CTNND2: variants seen among roughly 807,000 people sequenced by gnomAD.
CTNND2 encodes catenin delta-2.
A neutral mutation model predicts 144.4 loss-of-function variants in CTNND2; 22 were observed. The observed-to-expected ratio is 0.15, with a 90% CI of 0.11 to 0.22. The LOEUF (loss-of-function observed/expected upper bound fraction) is 0.22. CTNND2 is among the 10% of genes least tolerant of loss of function. CTNND2 has a pLI of 1.00. For missense variants in CTNND2, 1,353 were observed against 1,618.8 expected, an observed-to-expected ratio of 0.84 and a Z score of 2.82; for synonymous variants, 751 against 695.6, an observed-to-expected ratio of 1.08 and a Z score of -1.25.
intron 3 of CTNND2, among the ~76,000 whole-genome samples, chr5:11,553,399 A>G (rs557980026): frequency 6.6e-6 from 1 of 152,334 alleles, no homozygotes; most frequent in South Asian, 2.1e-4. Flanking sequence ...TCTGTAGAAA[A>G]ATTAGAAAAG....
intron 12 of CTNND2, among the ~76,000 whole-genome samples, chr5:11,136,809 A>T (rs1230927412): frequency 1.3e-5 from 2 of 152,256 alleles, no homozygotes; most frequent in Non-Finnish European, 2.9e-5. Flanking sequence ...GTCCAGGGTC[A>T]TTTCACTGAG....
At chr5:11,024,018 A>C (rs967660806) in intron 16 of CTNND2, among the ~76,000 whole-genome samples, 1 of 152,198 alleles carries the variant, frequency 6.6e-6, no homozygotes, top group African/African-American at 2.4e-5. Flanking sequence ...TCCCCCAATT[A>C]GGCACATTTA....
chr5:11,061,051 T>C (rs1283463948), intron 16 of CTNND2, among the ~76,000 whole-genome samples: 1 of 152,198 alleles, frequency 6.6e-6, no homozygotes, highest in East Asian at 1.9e-4. Context: ...ACGTGGCATG[T>C]CCCCTTTCAT....
intron 16 of CTNND2, among the ~76,000 whole-genome samples, chr5:11,066,554 C>T (rs1342346922): frequency 6.7e-6 from 1 of 148,634 alleles, no homozygotes; most frequent in Non-Finnish European, 1.5e-5. Flanking sequence ...ATTGATGTCT[C>T]ATGCCTCTCT....
chr5:11,141,665 A>G (rs1756739353), intron 12 of CTNND2, among the ~76,000 whole-genome samples: 3 of 152,192 alleles, frequency 2.0e-5, no homozygotes, highest in Non-Finnish European at 1.5e-5. Context: ...AAACAGATGG[A>G]TGCCTTAGGC....
At chr5:11,321,348 G>T (rs184132853) in intron 9 of CTNND2, among the ~76,000 whole-genome samples, 1 of 152,262 alleles carries the variant, frequency 6.6e-6, no homozygotes, top group East Asian at 1.9e-4. Flanking sequence ...CACCATGCAT[G>T]CTGGGCCCTG....
chr5:10,997,484 C>T (rs757535798), intron 18 of CTNND2, among the ~76,000 whole-genome samples: 18 of 151,524 alleles, frequency 1.2e-4, no homozygotes, highest in Admixed American at 3.3e-4. Flanking sequence ...CCTAGCTACT[C>T]GGGAGGCTGA....
At chr5:11,314,424 C>T (rs537170789) in intron 9 of CTNND2, among the ~76,000 whole-genome samples, 1 of 152,308 alleles carries the variant, frequency 6.6e-6, no homozygotes, top group African/African-American at 2.4e-5. Context: ...GATCAGAGCT[C>T]ACTGCAGCCT....
At chr5:11,014,676 G>C (rs2149528401) in intron 18 of CTNND2, among the ~76,000 whole-genome samples, 1 of 152,308 alleles carries the variant, frequency 6.6e-6, no homozygotes, top group African/African-American at 2.4e-5. Context: ...CCAGCTGGAA[G>C]AATATTCTGA....
At chr5:11,084,845 C>T (rs887059396) in intron 15 of CTNND2, among the ~76,000 whole-genome samples, 1 of 152,150 alleles carries the variant, frequency 6.6e-6, no homozygotes, top group African/African-American at 2.4e-5. Context: ...ACAGGAGACA[C>T]CTGTGCCCTT....
At position 11,343,943 on chromosome 5, in the gene CTNND2, C is replaced by T. The variant is rs371711704; in HGVS notation, c.1628+2429G>A. Among the ~76,000 whole-genome samples the T allele has an allele frequency of 5.9e-5, 9 of 152,156 alleles. No individual in the cohort carries two copies. The East Asian group carries it at 7.7e-4, about 13-fold the overall frequency. On this transcript the variant is annotated intron_variant, in intron 9 of 21. Transcript: ENST00000304623. ...AAAAGATTTAAATAATAAGCCATAA[C>T]GCCAAAATAAATAAGTGTGAGCCCT...
intron 2 of CTNND2, among the ~76,000 whole-genome samples, chr5:11,713,900 CA>C (rs1242039111): frequency 6.6e-6 from 1 of 151,794 alleles, no homozygotes; most frequent in East Asian, 1.9e-4. Context: ...ACCTACCGTT[CA>C]CCTGGAAGTG....
intron 9 of CTNND2, among the ~76,000 whole-genome samples, chr5:11,270,417 C>G (rs1745876837): frequency 6.7e-6 from 1 of 149,786 alleles, no homozygotes; most frequent in Non-Finnish European, 1.5e-5. Flanking sequence ...TTGTCAGGAA[C>G]ATGATTGTGT....
chr5:11,551,435 T>A (rs1472218479), intron 3 of CTNND2, among the ~76,000 whole-genome samples: 4 of 36,238 alleles, frequency 1.1e-4, no homozygotes, highest in Non-Finnish European at 1.8e-4. Context: ...CTTTTTTCTT[T>A]TTTTTTTTTT....
intron 3 of CTNND2, among the ~76,000 whole-genome samples, chr5:11,468,520 G>T (rs1208596856): frequency 1.3e-5 from 2 of 152,098 alleles, no homozygotes; most frequent in South Asian, 2.1e-4. Context: ...AGAGCAGCAG[G>T]TTCCCAGATC....
intron 12 of CTNND2, among the ~76,000 whole-genome samples, chr5:11,129,178 TTATATATA>T (rs1561352921): frequency 1.9e-4 from 10 of 53,738 alleles, no homozygotes; most frequent in African/African-American, 7.0e-4. Context: ...ATTATATATT[TTATATATA>T]ATATATAATA....
chr5:11,896,827 A>G (rs546050423), intron 1 of CTNND2, among the ~76,000 whole-genome samples: 2 of 152,266 alleles, frequency 1.3e-5, no homozygotes, highest in African/African-American at 4.8e-5. Flanking sequence ...AATAGTTCTC[A>G]TATAATTAGC....
At chr5:11,716,207 G>A (rs188387177) in intron 2 of CTNND2, among the ~76,000 whole-genome samples, 1 of 152,294 alleles carries the variant, frequency 6.6e-6, no homozygotes, top group East Asian at 1.9e-4. Flanking sequence ...CAGGTCTGAT[G>A]TGATACTACA....
intron 14 of CTNND2, among the ~76,000 whole-genome samples, chr5:11,098,993 T>C (rs1751622714): frequency 6.6e-6 from 1 of 152,008 alleles, no homozygotes; most frequent in Non-Finnish European, 1.5e-5. Context: ...AGAATGTAAC[T>C]GGCAGAAGAA....
Sources: allele counts gnomAD v4.1 joint callset (sites outside exome capture counted in the v4.1 genomes callset), GRCh38; gene constraint gnomAD v4.1.1; transcripts MANE v1.5; gene names NCBI Gene and HGNC (gene_info 2026-07-23, HGNC 2026-07-21).